The following RGS6 variants were observed in gnomAD, a reference collection of about 807,000 sequenced individuals.
RGS6 encodes regulator of G-protein signaling 6.
A neutral mutation model predicts 78.5 loss-of-function variants in RGS6; 30 were observed. The ratio of observed to expected loss-of-function variants is 0.38; its 90% CI spans 0.29 to 0.52. The LOEUF (loss-of-function observed/expected upper bound fraction) is 0.52. RGS6 is among the 20% of genes least tolerant of loss of function. RGS6 has a pLI of 0.85. For missense variants in RGS6, 495 were observed against 609.7 expected, an observed-to-expected ratio of 0.81 and a Z score of 1.98; for synonymous variants, 206 against 206.0, an observed-to-expected ratio of 1.00 and a Z score of 0.00.
chr14:72,134,469 T>C (rs981158191), intron 2 of RGS6, among the ~76,000 whole-genome samples: 1 of 151,046 alleles, frequency 6.6e-6, no homozygotes, highest in Admixed American at 6.6e-5. Context: ...AACATTTCCA[T>C]TTTCCTTTGT....
At chr14:72,040,722 C>T (rs568100095) in intron 2 of RGS6, among the ~76,000 whole-genome samples, 61 of 152,290 alleles carry the variant, frequency 4.0e-4, no homozygotes, top group African/African-American at 1.4e-3. Context: ...CAGGGACTCT[C>T]ATAATGTGTA....
chr14:72,262,593 C>T (rs746833696), intron 2 of RGS6, among the ~76,000 whole-genome samples: 1 of 152,172 alleles, frequency 6.6e-6, no homozygotes, highest in Non-Finnish European at 1.5e-5. Context: ...CTGGGGAGAA[C>T]ACAGTTCAGT....
chr14:72,527,316 C>T (rs747744572), intron 15 of RGS6, among the ~76,000 whole-genome samples: 1 of 152,220 alleles, frequency 6.6e-6, no homozygotes, highest in African/African-American at 2.4e-5. Context: ...CTCAGCCAAC[C>T]AGTACTGACT....
At chr14:72,501,921 G>A (rs1263766289) in intron 13 of RGS6, among the ~76,000 whole-genome samples, 1 of 152,222 alleles carries the variant, frequency 6.6e-6, no homozygotes, top group Non-Finnish European at 1.5e-5. Context: ...TGCACAGCGA[G>A]TTTGACAGAA....
chr14:71,918,060 A>G, the RGS6 span, among the ~76,000 whole-genome samples: 1 of 151,826 alleles, frequency 6.6e-6, no homozygotes, highest in African/African-American at 2.4e-5. Context: ...GGGCGCCTGT[A>G]GTCCCAGCTA....
At chr14:72,292,751 C>A (rs2063841004) in intron 2 of RGS6, among the ~76,000 whole-genome samples, 1 of 152,190 alleles carries the variant, frequency 6.6e-6, no homozygotes, top group African/African-American at 2.4e-5. Flanking sequence ...TGGACCAGTG[C>A]ATCCCCTGGA....
the RGS6 span, among the ~76,000 whole-genome samples, chr14:71,878,773 C>G: frequency 1.3e-5 from 2 of 152,216 alleles, no homozygotes; most frequent in African/African-American, 4.8e-5. Context: ...CTCTGCATCA[C>G]TCACGCTGGG....
At chr14:72,445,309 T>G (rs2095336429) in intron 3 of RGS6, among the ~76,000 whole-genome samples, 1 of 152,130 alleles carries the variant, frequency 6.6e-6, no homozygotes, top group Non-Finnish European at 1.5e-5. Context: ...CCTGCCTTAG[T>G]CATCCAAGTA....
intron 17 of RGS6, among the ~76,000 whole-genome samples, chr14:72,554,776 C>T (rs1261584845): frequency 6.6e-6 from 1 of 152,178 alleles, no homozygotes; most frequent in African/African-American, 2.4e-5. Flanking sequence ...GAAAAGGGGG[C>T]ATTTCCACCA....
intron 1 of RGS6, among the ~76,000 whole-genome samples, chr14:71,963,880 G>T (rs1483220500): frequency 6.6e-6 from 1 of 152,188 alleles, no homozygotes; most frequent in Non-Finnish European, 1.5e-5. Context: ...GTACTTAGAA[G>T]TGGAATTGCT....
intron 3 of RGS6, among the ~76,000 whole-genome samples, chr14:72,438,277 G>C (rs2095031571): frequency 6.6e-6 from 1 of 152,122 alleles, no homozygotes; most frequent in Non-Finnish European, 1.5e-5. Context: ...CCAAGGCCTT[G>C]GTTCCGAGCC....
intron 8 of RGS6, among the ~76,000 whole-genome samples, chr14:72,471,536 G>A (rs1467408563): frequency 6.6e-6 from 1 of 152,242 alleles, no homozygotes; most frequent in East Asian, 1.9e-4. Flanking sequence ...CCTGGGCGAT[G>A]TTGCAGCCCG....
chr14:71,918,486 A>G, the RGS6 span, among the ~76,000 whole-genome samples: 7 of 152,204 alleles, frequency 4.6e-5, no homozygotes, highest in African/African-American at 1.7e-4. Flanking sequence ...GAGACCCCTC[A>G]AAGAGAATGA....
chr14:72,066,454 T>A (rs1473634679), intron 2 of RGS6, among the ~76,000 whole-genome samples: 2 of 151,888 alleles, frequency 1.3e-5, no homozygotes, highest in African/African-American at 4.8e-5. Context: ...AACTGGAATT[T>A]ACATGTTATA....
intron 1 of RGS6, among the ~76,000 whole-genome samples, chr14:71,960,203 C>T (rs1205737196): frequency 6.6e-6 from 1 of 152,182 alleles, no homozygotes; most frequent in Non-Finnish European, 1.5e-5. Context: ...GTTTGTGTCA[C>T]AGGTGCTCAA....
chr14:72,352,182 A>G lies in RGS6; in HGVS notation c.172A>G (p.Ser58Gly), dbSNP rs767454072. ...TVKSFLSKIP[S>G]VVTGTDIVQW... ...CAAGAGCTTTCTCTCCAAAATCCCC[A>G]GTGTCGTCACAGGTAACACCCTCCT... The change falls in exon 3 of 18, where the codon AGT becomes GGT. Residue 58 changes from serine (S) to glycine (G), a missense_variant. Physicochemically the swap from Ser to Gly is moderately conservative, Grantham distance 56. Transcript: ENST00000553525. 6.2e-6 allele frequency: 10 copies of G among 1,612,966 alleles called. No homozygotes were observed. In the Admixed American group the frequency reaches 8.4e-5, roughly 13 times the overall value.
intron 2 of RGS6, among the ~76,000 whole-genome samples, chr14:72,134,531 G>A (rs1043836730): frequency 6.6e-6 from 1 of 152,208 alleles, no homozygotes; most frequent in African/African-American, 2.4e-5. Context: ...CAAAAATGGA[G>A]GCAGGCATGT....
In RGS6 at chr14:72,409,289, C is replaced by T. The variant is rs527779283; in HGVS notation, c.185-45239C>T. On this transcript the variant is annotated intron_variant, in intron 3 of 17. Coordinates refer to ENST00000553525, the MANE Select transcript of RGS6 (RefSeq NM_001204424.2). ...AAAAGGTTCAGAGAGCTCTACCCAG[C>T]AGCATGGGTAGTGAGCTTTAATAGG... Among the ~76,000 whole-genome samples, 3 of 152,306 alleles carry T rather than the reference C, an allele frequency of 2.0e-5. No homozygotes were observed. The South Asian group carries it at 6.2e-4, about 32-fold the overall frequency.
chr14:72,579,108 G>GTCTC, the RGS6 span, among the ~76,000 whole-genome samples: 1 of 151,662 alleles, frequency 6.6e-6, no homozygotes, highest in Non-Finnish European at 1.5e-5. Flanking sequence ...GTCAGTCTCT[G>GTCTC]TCTCTCTCTC....
Sources: gnomAD v4.1 joint callset for allele counts (sites outside exome capture counted in the v4.1 genomes callset) on GRCh38, gnomAD v4.1.1 for gene constraint, MANE v1.5 for transcripts, NCBI Gene and HGNC (gene_info 2026-07-23, HGNC 2026-07-21) for gene names.